Variants in FRAS1 observed in about 807,000 individuals in gnomAD.
FRAS1 encodes the protein Fraser extracellular matrix complex subunit 1.
In FRAS1, 290 loss-of-function variants were observed where a neutral mutation model predicts 435.2. That is an observed-to-expected ratio of 0.67 (90% CI 0.61 to 0.73). The LOEUF (loss-of-function observed/expected upper bound fraction) is 0.73, where lower values mean the gene tolerates loss of function less well. FRAS1 is among the 30% of genes least tolerant of loss of function. FRAS1 has a pLI of 0.00. For missense variants in FRAS1, 4,860 were observed against 5,001.5 expected (o/e 0.97, Z 0.85); for synonymous variants, 1,800 against 1,851.0 (o/e 0.97, Z 0.71).
intron 30 of FRAS1, 62 bp downstream of exon 30, chr4:78,400,949 T>C (rs749471839): frequency 3.4e-5 from 51 of 1,491,798 alleles, no homozygotes; most frequent in Non-Finnish European, 2.8e-5. Context: ...GGTTTGCTAC[T>C]GTATAGTGCC....
At chr4:78,537,863 T>G (rs1160007041) in intron 72 of FRAS1, among the ~76,000 whole-genome samples, 1 of 151,700 alleles carries the variant, frequency 6.6e-6, no homozygotes, top group East Asian at 1.9e-4. Flanking sequence ...AGAAAATCAC[T>G]TGAGACTGGG....
At chr4:78,302,426 G>A (rs1229535965) in intron 14 of FRAS1, among the ~76,000 whole-genome samples, 2 of 151,918 alleles carry the variant, frequency 1.3e-5, no homozygotes, top group African/African-American at 2.4e-5. Context: ...CTGAGGAATC[G>A]CCACACTGAC....
rs1311397855 is a variant in FRAS1, at chr4:78,281,358, T to G, written c.1072-40T>G. 3 of 1,447,390 alleles carry G rather than the reference T, an allele frequency of 2.1e-6. No individual in the cohort carries two copies. The East Asian group carries it at 7.1e-5, about 34-fold the overall frequency. 89.7% of individuals were successfully genotyped at this position (1,447,390 alleles called of 1,614,324 possible). A position where few individuals can be genotyped will look rare whatever the true frequency, so the allele number is the denominator to read the frequency against. On this transcript the variant is annotated intron_variant, in intron 10 of 73. Coordinates refer to ENST00000512123, the MANE Select transcript of FRAS1 (RefSeq NM_025074.7). ...AAATAAAATAATCAGCCTAATGGTGTTTTTAGTGGCATAATAAAGACATTT... is the reference window on the plus strand; with the variant it reads ...AAATAAAATAATCAGCCTAATGGTGGTTTTAGTGGCATAATAAAGACATTT...
chr4:78,157,727 G>A (rs547206783), intron 2 of FRAS1, among the ~76,000 whole-genome samples: 59 of 152,260 alleles, frequency 3.9e-4, no homozygotes, highest in African/African-American at 1.4e-3. Flanking sequence ...TTTGTAGGAT[G>A]TATAGTTTGC....
intron 2 of FRAS1, among the ~76,000 whole-genome samples, chr4:78,232,866 TCA>T (rs1163656950): frequency 2.0e-5 from 3 of 152,140 alleles, no homozygotes; most frequent in Non-Finnish European, 4.4e-5. Context: ...CAAAGAGGAA[TCA>T]AATGAGATCT....
intron 6 of FRAS1, among the ~76,000 whole-genome samples, chr4:78,258,663 TC>T (rs1224593498): frequency 1.3e-5 from 2 of 148,972 alleles, no homozygotes; most frequent in African/African-American, 2.4e-5. Context: ...TTTATTTTTT[TC>T]ATCCTTTTTT....
chr4:78,418,862 A>AT (rs34936138), intron 32 of FRAS1, 87 bp from the exon 33 acceptor site: 146,894 of 712,880 alleles, frequency 0.21, 15,672 homozygotes, highest in African/African-American at 0.32. Context: ...GCCCAGAGCA[A>AT]TTTTTTTTTC....
intron 59 of FRAS1, among the ~76,000 whole-genome samples, chr4:78,492,014 CAGAG>C (rs768453767): frequency 1.4e-3 from 220 of 152,264 alleles, no homozygotes; most frequent in African/African-American, 5.2e-3. Context: ...CTATAATAAA[CAGAG>C]AGCCAAATCA....
chr4:78,224,540 T>C (rs986572349), intron 2 of FRAS1, among the ~76,000 whole-genome samples: 2 of 152,146 alleles, frequency 1.3e-5, no homozygotes, highest in Non-Finnish European at 1.5e-5. Flanking sequence ...GGCATATAAC[T>C]TTTGTTTTTT....
chr4:78,105,878 C>A (rs1320563017), intron 2 of FRAS1, among the ~76,000 whole-genome samples: 1 of 139,292 alleles, frequency 7.2e-6, no homozygotes, highest in Non-Finnish European at 1.6e-5. Flanking sequence ...TGGGCGCAGG[C>A]CAGTGTGTGC....
intron 2 of FRAS1, among the ~76,000 whole-genome samples, chr4:78,079,948 C>T (rs1740822605): frequency 6.6e-6 from 1 of 152,126 alleles, no homozygotes; most frequent in Non-Finnish European, 1.5e-5. Context: ...TTGGAGGCAG[C>T]TTGGCTTGCT....
intron 2 of FRAS1, among the ~76,000 whole-genome samples, chr4:78,186,675 C>A (rs894307895): frequency 6.6e-5 from 10 of 152,220 alleles, no homozygotes; most frequent in African/African-American, 2.4e-4. Flanking sequence ...AATGATTTCC[C>A]AGTAGACAAC....
At position 78,537,052 on chromosome 4, in the gene FRAS1, A is replaced by T; in HGVS notation, c.11150A>T (p.Tyr3717Phe). ...CCAGAACAAAATCTTAATTCTGCTT[A>T]CAAACTCCAGCTGGAGAAAGTCTAT... Reference protein sequence around the residue: ...WNPEQNLNSAYKLQLEKVYLC... With the variant: ...WNPEQNLNSAFKLQLEKVYLC... The change falls in exon 72 of 74, where the codon TAC becomes TTC. Residue 3717 changes from tyrosine (Y) to phenylalanine (F), a missense_variant. By Grantham distance (22) the Tyr-to-Phe change is conservative (BLOSUM62 3). Coordinates refer to ENST00000512123, the MANE Select transcript of FRAS1 (RefSeq NM_025074.7). The T allele has an allele frequency of 6.2e-7, 1 of 1,614,038 alleles. No individual in the cohort carries two copies. The highest frequency in any genetic ancestry group is 1.1e-5 in the South Asian group (1 of 91,080).
At chr4:78,470,783 C>A (rs1011970523) in intron 51 of FRAS1, among the ~76,000 whole-genome samples, 2 of 152,094 alleles carry the variant, frequency 1.3e-5, no homozygotes, top group Admixed American at 1.3e-4. Flanking sequence ...TAGAACCAAT[C>A]CCCGTAGATA....
At chr4:78,486,475 C>G (rs1355820379) in intron 58 of FRAS1, among the ~76,000 whole-genome samples, 1 of 152,176 alleles carries the variant, frequency 6.6e-6, no homozygotes, top group Admixed American at 6.5e-5. Context: ...TGAGCCCATG[C>G]GCCATCAGCA....
chr4:78,076,846 GT>G (rs1301217746), intron 2 of FRAS1, among the ~76,000 whole-genome samples: 3 of 152,148 alleles, frequency 2.0e-5, no homozygotes. Flanking sequence ...GAATCAAACT[GT>G]TGAAGAGAAA....
intron 2 of FRAS1, among the ~76,000 whole-genome samples, chr4:78,195,823 A>G (rs1178900957): frequency 1.3e-5 from 2 of 151,894 alleles, no homozygotes; most frequent in African/African-American, 2.4e-5. Flanking sequence ...TGCACCTGGT[A>G]CCTTAGTTGG....
At chr4:78,279,130 T>G (rs1363355209) in intron 10 of FRAS1, among the ~76,000 whole-genome samples, 3 of 152,166 alleles carry the variant, frequency 2.0e-5, no homozygotes, top group Non-Finnish European at 4.4e-5. Context: ...ACAGAAAACT[T>G]TGAGCAGAGC....
chr4:78,384,047 G>T lies in FRAS1; in HGVS notation c.3564-12G>T. 1 of 1,585,376 alleles carries T rather than the reference G, an allele frequency of 6.3e-7. No homozygotes were observed. The highest frequency in any genetic ancestry group is 2.2e-5 in the East Asian group (1 of 44,496). On this transcript the variant is annotated splice_polypyrimidine_tract_variant and intron_variant, in intron 27 of 73. Transcript: ENST00000512123. The stretch of plus-strand genomic sequence containing the variant: ...TTGTATTTTCTTATTCCTTTCTTTG[G>T]GACTTCTTTAGGAAAGGTTACCTTT...
Sources: gnomAD v4.1 joint callset for allele counts (sites outside exome capture counted in the v4.1 genomes callset) on GRCh38, gnomAD v4.1.1 for gene constraint, MANE v1.5 for transcripts, NCBI Gene and HGNC (gene_info 2026-07-23, HGNC 2026-07-21) for gene names.